Variants in MAST2 observed in about 807,000 individuals in gnomAD.
MAST2 encodes microtubule-associated serine/threonine-protein kinase 2.
MAST2 carries 70 observed loss-of-function variants against 147.4 expected under a neutral mutation model. The ratio of observed to expected loss-of-function variants is 0.47; its 90% CI spans 0.39 to 0.58. The LOEUF (loss-of-function observed/expected upper bound fraction) is 0.58. Among genes scored for constraint, MAST2 ranks in the 20% least tolerant of loss-of-function variants. The pLI is 0.00. For missense variants in MAST2, 2,080 were observed against 2,302.3 expected, an observed-to-expected ratio of 0.90 and a Z score of 1.98; for synonymous variants, 869 against 896.8, an observed-to-expected ratio of 0.97 and a Z score of 0.55.
intron 6 of MAST2, among the ~76,000 whole-genome samples, chr1:46,000,719 C>T (rs11579634): frequency 0.45 from 67,920 of 152,054 alleles, 15,365 homozygotes; most frequent in East Asian, 0.63. Flanking sequence ...TATCAGGAAT[C>T]GTTTGTTTCT....
At chr1:46,033,455 G>C (rs1239415834) in intron 26 of MAST2, among the ~76,000 whole-genome samples, 2 of 149,584 alleles carry the variant, frequency 1.3e-5, no homozygotes, top group African/African-American at 4.9e-5. Flanking sequence ...AAAAAAAAAA[G>C]ATGTAGGTAC....
intron 10 of MAST2, among the ~76,000 whole-genome samples, chr1:46,014,429 G>A (rs2149254164): frequency 6.8e-6 from 1 of 147,438 alleles, no homozygotes; most frequent in South Asian, 2.1e-4. Flanking sequence ...TGCGGTGTTT[G>A]GTTTTTTGTT....
chr1:45,920,335 T>C (rs1653254034), intron 4 of MAST2, among the ~76,000 whole-genome samples: 1 of 152,186 alleles, frequency 6.6e-6, no homozygotes, highest in Non-Finnish European at 1.5e-5. Context: ...CACCTTAGCC[T>C]CCCCAAGTTC....
chr1:46,007,875 G>T (rs1471310497), intron 8 of MAST2, among the ~76,000 whole-genome samples: 3 of 152,140 alleles, frequency 2.0e-5, no homozygotes, highest in African/African-American at 7.2e-5. Context: ...AAAAATGTAC[G>T]TGTGCACCGT....
rs1465040082 is a variant in MAST2, at chr1:45,824,506, A to G, written c.251A>G (p.Lys84Arg). ...CCTGACATATTTTCATCCACTGGAA[A>G]AGTTAAACTTCAGCGACAACTGAGT... ...SNPDIFSSTGKVKLQRQLSQD... is the reference protein window; with the variant it reads ...SNPDIFSSTGRVKLQRQLSQD... Residue 84 changes from lysine (K) to arginine (R), a missense_variant, in exon 2 of 29, where the codon AAA becomes AGA. Transcript: ENST00000361297. 6.2e-7 allele frequency: 1 copy of G among 1,612,362 alleles called. No homozygotes were observed. Among genetic ancestry groups the G allele is most frequent in the Admixed American group, 1.7e-5 (1 of 59,928 alleles).
intron 4 of MAST2, among the ~76,000 whole-genome samples, chr1:45,933,107 A>C (rs543669626): frequency 9.9e-4 from 144 of 145,250 alleles, no homozygotes; most frequent in Non-Finnish European, 1.7e-3. Flanking sequence ...GTGGTGGCAC[A>C]TGCCTGTAGT....
intron 3 of MAST2, among the ~76,000 whole-genome samples, chr1:45,873,149 A>G (rs1389603929): frequency 6.6e-6 from 1 of 151,300 alleles, no homozygotes; most frequent in African/African-American, 2.4e-5. Context: ...GAGCTTCGCT[A>G]CTGGTGGGTT....
At chr1:45,941,323 G>T (rs1657229942) in intron 4 of MAST2, among the ~76,000 whole-genome samples, 1 of 152,116 alleles carries the variant, frequency 6.6e-6, no homozygotes, top group Non-Finnish European at 1.5e-5. Flanking sequence ...GCAGTGGCGG[G>T]ATCTCGGCTC....
chr1:45,906,657 T>G (rs916816156), intron 4 of MAST2, among the ~76,000 whole-genome samples: 3 of 148,478 alleles, frequency 2.0e-5, no homozygotes, highest in Non-Finnish European at 4.5e-5. Context: ...TTATATAATA[T>G]ATAATTATAT....
chr1:46,031,117 C>T lies in MAST2; in HGVS notation c.2819C>T (p.Pro940Leu), dbSNP rs575185020. ...GGCCTCCTGGATGCGCCTCGGTTCC[C>T]GGAGGGCCCTGAGGAGGCCAGCAGC... ...CSGLLDAPRF[P>L]EGPEEASSTL... The change falls in exon 23 of 29, where the codon CCG becomes CTG. Residue 940 changes from proline to leucine, a missense_variant. Transcript: ENST00000361297. This position sits in a 1 kb window ranked among gnomAD's most constrained non-coding sequence, Gnocchi z 4.1. 1.2e-5 allele frequency: 20 copies of T among 1,612,064 alleles called. No individual in the cohort carries two copies. The highest frequency in any genetic ancestry group is 7.7e-5 in the South Asian group (7 of 90,854).
chr1:45,897,128 T>A (rs886928344), intron 4 of MAST2, among the ~76,000 whole-genome samples: 1 of 152,204 alleles, frequency 6.6e-6, no homozygotes, highest in Non-Finnish European at 1.5e-5. Flanking sequence ...ATACCCAAAT[T>A]TTTTCACCTC....
chr1:45,965,352 C>G (rs143057244), intron 5 of MAST2, among the ~76,000 whole-genome samples: 1,555 of 152,230 alleles, frequency 0.01, 18 homozygotes, highest in East Asian at 0.034. Flanking sequence ...GTGTGGGAGT[C>G]TAAGTCTCTT....
chr1:46,020,873 G>C (rs1230646378), intron 11 of MAST2, among the ~76,000 whole-genome samples: 1 of 152,194 alleles, frequency 6.6e-6, no homozygotes, highest in East Asian at 1.9e-4. Flanking sequence ...TCAGTAATTG[G>C]TTCCTATTTA....
intron 11 of MAST2, among the ~76,000 whole-genome samples, chr1:46,021,595 G>A (rs779064552): frequency 6.6e-6 from 1 of 152,156 alleles, no homozygotes; most frequent in Non-Finnish European, 1.5e-5. Flanking sequence ...AATTGAGTGT[G>A]TGCCAGGACA....
At chr1:45,876,676 A>G (rs751629052) in intron 3 of MAST2, among the ~76,000 whole-genome samples, 1 of 152,192 alleles carries the variant, frequency 6.6e-6, no homozygotes, top group Non-Finnish European at 1.5e-5. Flanking sequence ...TTGAGAAATC[A>G]TTGCTCCTTG....
intron 3 of MAST2, among the ~76,000 whole-genome samples, chr1:45,850,064 C>T (rs571403713): frequency 6.6e-6 from 1 of 152,300 alleles, no homozygotes; most frequent in South Asian, 2.1e-4. Flanking sequence ...TACATTCCTA[C>T]CAACAGTGTA....
intron 3 of MAST2, among the ~76,000 whole-genome samples, chr1:45,881,929 T>C (rs1016181604): frequency 5.5e-5 from 8 of 146,188 alleles, no homozygotes; most frequent in African/African-American, 7.6e-5. Flanking sequence ...GTAATCCCAG[T>C]ACTTTGGGAG....
At chr1:45,935,978 T>G (rs1048468294) in intron 4 of MAST2, among the ~76,000 whole-genome samples, 2 of 152,250 alleles carry the variant, frequency 1.3e-5, no homozygotes, top group African/African-American at 4.8e-5. Context: ...TGTAAATTGC[T>G]TTGGGCTGTA....
chr1:46,018,857 A>C (rs1646065786), intron 10 of MAST2, among the ~76,000 whole-genome samples: 1 of 152,174 alleles, frequency 6.6e-6, no homozygotes. Flanking sequence ...AGGTGCCTGA[A>C]ACTGCACGCC....
Sources: gnomAD v4.1 joint callset for allele counts (sites outside exome capture counted in the v4.1 genomes callset) on GRCh38, gnomAD v4.1.1 for gene constraint, Gnocchi (gnomAD v3.1) non-coding constraint, MANE v1.5 for transcripts, NCBI Gene and HGNC (gene_info 2026-07-23, HGNC 2026-07-21) for gene names.